Variants in USP13 observed in about 807,000 individuals in gnomAD.
USP13 encodes the protein ubiquitin carboxyl-terminal hydrolase 13.
Under a neutral mutation model 107.8 loss-of-function variants are expected in USP13, and 68 were observed. The observed-to-expected ratio is 0.63, with a 90% confidence interval of 0.52 to 0.77. USP13 has a LOEUF of 0.77. Ranked by LOEUF, USP13 falls within the 30% of genes least tolerant of loss-of-function variation. The probability of loss-of-function intolerance (pLI) is 0.00; values close to 1 mark genes in which losing one functional copy is unlikely to be tolerated. For synonymous variants in USP13, 377 were observed against 389.5 expected (o/e 0.97, Z 0.38); for missense variants, 945 against 1,093.3 (o/e 0.86, Z 1.91).
At chr3:179,684,286 C>CACAG (rs1292259718) in intron 2 of USP13, among the ~76,000 whole-genome samples, 19 of 147,946 alleles carry the variant, frequency 1.3e-4, no homozygotes, top group African/African-American at 2.0e-4. Flanking sequence ...CACACACACA[C>CACAG]ACACACACAC....
intron 16 of USP13, among the ~76,000 whole-genome samples, chr3:179,759,077 G>A (rs1256983461): frequency 6.6e-6 from 1 of 152,046 alleles, no homozygotes; most frequent in Non-Finnish European, 1.5e-5. Flanking sequence ...TGCCTCCCGG[G>A]TTCAAGCAAT....
chr3:179,672,625 G>A (rs973743674), intron 1 of USP13, among the ~76,000 whole-genome samples: 8 of 152,010 alleles, frequency 5.3e-5, no homozygotes, highest in African/African-American at 1.9e-4. Flanking sequence ...GTAGAGATGG[G>A]GTTTCACCAT....
chr3:179,690,139 T>C (rs1712061840), intron 2 of USP13, 102 bp from the exon 3 acceptor site: 1 of 1,093,724 alleles, frequency 9.1e-7, no homozygotes, highest in South Asian at 1.6e-5. Context: ...ATATTTCTTC[T>C]TGGCCTTCTG....
At chr3:179,773,561 A>G (rs1052729764) in intron 19 of USP13, among the ~76,000 whole-genome samples, 1 of 152,218 alleles carries the variant, frequency 6.6e-6, no homozygotes, top group Non-Finnish European at 1.5e-5. Flanking sequence ...TTAAAGCATA[A>G]TTTTCCAAAA....
At chr3:179,675,854 C>A (rs917269236) in intron 1 of USP13, among the ~76,000 whole-genome samples, 3 of 152,082 alleles carry the variant, frequency 2.0e-5, no homozygotes, top group African/African-American at 7.2e-5. Context: ...AGCCTGTAAT[C>A]TATTTTAATT....
chr3:179,743,340 C>G (rs1390449415), intron 12 of USP13, among the ~76,000 whole-genome samples: 1 of 151,616 alleles, frequency 6.6e-6, no homozygotes, highest in Admixed American at 6.6e-5. Context: ...TGTAACAGAC[C>G]TGCACGTTCT....
rs1286903730 is a variant in USP13, at chr3:179,787,640, T to C, written c.*3499T>C. ...TTTTTCTTGAGATGGAGTCTCGCTGTGTTGCCAAGGCTGGAGTACAGTGGT... is the reference window on the plus strand; with the variant it reads ...TTTTTCTTGAGATGGAGTCTCGCTGCGTTGCCAAGGCTGGAGTACAGTGGT... On this transcript the variant is annotated 3_prime_UTR_variant, in exon 21 of 21. Coordinates refer to ENST00000263966, the MANE Select transcript of USP13 (RefSeq NM_003940.3). 2 of 152,224 alleles carry C rather than the reference T, an allele frequency of 1.3e-5. No homozygotes were observed. The highest frequency in any genetic ancestry group is 2.9e-5 in the Non-Finnish European group (2 of 68,080). 9.4% of individuals were successfully genotyped at this position (152,224 alleles called of 1,614,324 possible).
intron 1 of USP13, 100 bp from the exon 2 acceptor site, chr3:179,681,778 G>C: frequency 6.8e-7 from 1 of 1,470,862 alleles, no homozygotes; most frequent in African/African-American, 1.4e-5. Context: ...CCTTTGCCAG[G>C]CCTCGTCTTC....
At chr3:179,760,536 G>A (rs1714973190) in intron 16 of USP13, among the ~76,000 whole-genome samples, 1 of 152,166 alleles carries the variant, frequency 6.6e-6, no homozygotes, top group Non-Finnish European at 1.5e-5. Context: ...GCCCGCCTCG[G>A]CCTCCCAAAG....
intron 13 of USP13, among the ~76,000 whole-genome samples, chr3:179,745,585 C>G (rs946185342): frequency 5.9e-5 from 9 of 151,944 alleles, no homozygotes; most frequent in African/African-American, 2.2e-4. Context: ...ACCCCCAGCC[C>G]CTCTCTTACC....
chr3:179,757,760 C>T (rs984668823), intron 16 of USP13, among the ~76,000 whole-genome samples: 3 of 152,144 alleles, frequency 2.0e-5, no homozygotes, highest in East Asian at 1.9e-4. Flanking sequence ...TTACACATTG[C>T]GAATGATTGA....
In USP13 at chr3:179,756,960, A is replaced by G. The variant is rs75730130; in HGVS notation, c.1922-92A>G. On this transcript the variant is annotated intron_variant, in intron 15 of 20. Coordinates refer to ENST00000263966, the MANE Select transcript of USP13 (RefSeq NM_003940.3). ...TGTGGTCCCCAGGAGTGGGGAGGGC[A>G]TTGGAAATGCCCTGGATCAATGGGT... The G allele has an allele frequency of 1.5e-3, 2,106 of 1,400,782 alleles. 9 individuals carry two copies. The East Asian group carries it at 0.017, about 12-fold the overall frequency. 86.8% of individuals were successfully genotyped at this position (1,400,782 alleles called of 1,614,324 possible). A position where few individuals can be genotyped will look rare whatever the true frequency, so the allele number is the denominator to read the frequency against.
rs1715893003 is a variant in USP13 at position 179,785,502 on chromosome 3, T to C, written c.*1361T>C. 6.6e-6 allele frequency: 1 copy of C among 152,216 alleles called. No individual in the cohort carries two copies. The highest frequency in any genetic ancestry group is 2.4e-5 in the African/African-American group (1 of 41,460). 9.4% of individuals were successfully genotyped at this position (152,216 alleles called of 1,614,324 possible). ...TTTCCATAATTTTCCTACTGGTCCG[T>C]ACCAAATTCTAGAGTCTCTGGAGTT... On this transcript the variant is annotated 3_prime_UTR_variant, in exon 21 of 21. Coordinates refer to ENST00000263966, the MANE Select transcript of USP13 (RefSeq NM_003940.3).
chr3:179,773,636 T>C (rs1715407409), intron 19 of USP13, among the ~76,000 whole-genome samples: 1 of 152,122 alleles, frequency 6.6e-6, no homozygotes, highest in Non-Finnish European at 1.5e-5. Flanking sequence ...AAAAACTCAT[T>C]AATTAATGAG....
chr3:179,699,990 G>A (rs1712460867), intron 3 of USP13, among the ~76,000 whole-genome samples: 1 of 151,948 alleles, frequency 6.6e-6, no homozygotes, highest in African/African-American at 2.4e-5. Flanking sequence ...CTGTTCATGT[G>A]TAGGTTTGTG....
intron 4 of USP13, among the ~76,000 whole-genome samples, chr3:179,704,055 A>G (rs887604007): frequency 1.3e-5 from 2 of 152,158 alleles, no homozygotes; most frequent in Non-Finnish European, 1.5e-5. Context: ...GCATCACTTG[A>G]GATAACATAT....
intron 8 of USP13, among the ~76,000 whole-genome samples, chr3:179,728,334 A>G (rs995174006): frequency 7.9e-6 from 1 of 126,506 alleles, no homozygotes; most frequent in Non-Finnish European, 1.7e-5. Context: ...CGCTCCTCAC[A>G]TCCCGGACGG....
chr3:179,695,221 C>T (rs968033300), intron 3 of USP13, among the ~76,000 whole-genome samples: 2 of 152,218 alleles, frequency 1.3e-5, no homozygotes, highest in African/African-American at 4.8e-5. Flanking sequence ...TATGATGCTC[C>T]TTCTTCGGCT....
intron 7 of USP13, among the ~76,000 whole-genome samples, chr3:179,720,594 C>T (rs1713275982): frequency 6.6e-6 from 1 of 152,120 alleles, no homozygotes; most frequent in Admixed American, 6.6e-5. Context: ...GGTCGCCTCC[C>T]TCTCTTCATG....
Sources: allele counts gnomAD v4.1 joint callset (sites outside exome capture counted in the v4.1 genomes callset), GRCh38; gene constraint gnomAD v4.1.1; transcripts MANE v1.5; gene names NCBI Gene and HGNC (gene_info 2026-07-23, HGNC 2026-07-21).